NRXN1: variants seen among roughly 807,000 people sequenced by gnomAD.
The protein encoded by NRXN1 is neurexin 1.
A neutral mutation model predicts 150.9 loss-of-function variants in NRXN1; 39 were observed. That is an observed-to-expected ratio of 0.26 (90% CI 0.20 to 0.34). The LOEUF (loss-of-function observed/expected upper bound fraction) is 0.34. Among genes scored for constraint, NRXN1 ranks in the 10% least tolerant of loss-of-function variants. NRXN1 has a pLI of 1.00. For missense variants in NRXN1, 1,815 were observed against 1,949.9 expected (o/e 0.93, Z 1.30); for synonymous variants, 924 against 757.0 (o/e 1.22, Z -3.62).
chr2:49,979,323 G>A (rs1367764723), intron 21 of NRXN1, among the ~76,000 whole-genome samples: 1 of 151,932 alleles, frequency 6.6e-6, no homozygotes, highest in African/African-American at 2.4e-5. Context: ...TTAGAGGGAG[G>A]GGAAAAGTTG....
chr2:50,410,675 G>C (rs142660338), intron 17 of NRXN1, among the ~76,000 whole-genome samples: 1 of 151,114 alleles, frequency 6.6e-6, no homozygotes, highest in African/African-American at 2.4e-5. Flanking sequence ...AAATATTTCA[G>C]AAAAAAAAAG....
At chr2:50,927,242 T>C (rs1346536910) in intron 2 of NRXN1, among the ~76,000 whole-genome samples, 1 of 152,008 alleles carries the variant, frequency 6.6e-6, no homozygotes, top group East Asian at 1.9e-4. Context: ...TTGGATAAAG[T>C]TACTAGTGAA....
intron 17 of NRXN1, among the ~76,000 whole-genome samples, chr2:50,425,582 C>T (rs1205082743): frequency 6.6e-6 from 1 of 152,196 alleles, no homozygotes; most frequent in Non-Finnish European, 1.5e-5. Context: ...TAATTATGTA[C>T]ATCTTGATCT....
chr2:50,756,224 T>G (rs562846086), intron 5 of NRXN1, among the ~76,000 whole-genome samples: 21 of 151,698 alleles, frequency 1.4e-4, no homozygotes, highest in Non-Finnish European at 2.7e-4. Flanking sequence ...TCACCTGTCA[T>G]GAGACTGTCA....
intron 17 of NRXN1, among the ~76,000 whole-genome samples, chr2:50,425,536 G>A (rs2084408047): frequency 6.6e-6 from 1 of 152,086 alleles, no homozygotes; most frequent in South Asian, 2.1e-4. Flanking sequence ...GGAAGAGGTG[G>A]AACAGCATTT....
At chr2:49,923,815 A>T (rs1223104805) in intron 22 of NRXN1, among the ~76,000 whole-genome samples, 1 of 152,180 alleles carries the variant, frequency 6.6e-6, no homozygotes, top group Non-Finnish European at 1.5e-5. Flanking sequence ...TCTTAGTCTC[A>T]AAGTAGCAAT....
chr2:50,164,340 G>C (rs2059545729), intron 18 of NRXN1, among the ~76,000 whole-genome samples: 1 of 152,132 alleles, frequency 6.6e-6, no homozygotes, highest in Admixed American at 6.6e-5. Context: ...CTGTGATCAC[G>C]ATATTTTCTC....
intron 17 of NRXN1, among the ~76,000 whole-genome samples, chr2:50,410,195 A>C (rs1366674437): frequency 6.6e-6 from 1 of 152,024 alleles, no homozygotes; most frequent in Non-Finnish European, 1.5e-5. Context: ...GATAGAGTGA[A>C]GAAAAAAAAA....
At chr2:50,649,259 T>TACACACACACACAC (rs10634117) in intron 5 of NRXN1, among the ~76,000 whole-genome samples, 75 of 143,318 alleles carry the variant, frequency 5.2e-4, no homozygotes, top group African/African-American at 1.7e-3. Flanking sequence ...CATACACACA[T>TACACACACACACAC]ACACACACAC....
intron 5 of NRXN1, among the ~76,000 whole-genome samples, chr2:50,906,419 AC>A (rs1278181394): frequency 6.6e-6 from 1 of 152,054 alleles, no homozygotes; most frequent in Non-Finnish European, 1.5e-5. Flanking sequence ...TAATCAACCA[AC>A]AAACCCATAG....
At chr2:50,661,858 G>A (rs1687349031) in intron 5 of NRXN1, among the ~76,000 whole-genome samples, 1 of 151,980 alleles carries the variant, frequency 6.6e-6, no homozygotes, top group Admixed American at 6.6e-5. Flanking sequence ...TCTCTCCCCA[G>A]GCAGGCCTGT....
At chr2:50,857,631 C>T (rs2106009933) in intron 5 of NRXN1, among the ~76,000 whole-genome samples, 1 of 152,206 alleles carries the variant, frequency 6.6e-6, no homozygotes. Flanking sequence ...GAGAGTGCTT[C>T]ATCATGCCCC....
At chr2:50,162,122 C>A (rs2059400821) in intron 18 of NRXN1, among the ~76,000 whole-genome samples, 1 of 152,042 alleles carries the variant, frequency 6.6e-6, no homozygotes, top group African/African-American at 2.4e-5. Context: ...GTTAACTTAA[C>A]CAAAGTTATG....
chr2:50,816,728 G>A (rs1285403872), intron 5 of NRXN1, among the ~76,000 whole-genome samples: 3 of 152,078 alleles, frequency 2.0e-5, no homozygotes, highest in Non-Finnish European at 4.4e-5. Flanking sequence ...CCCTGATGCA[G>A]TTAATCACTT....
At chr2:49,982,841 A>G (rs1680201745) in intron 21 of NRXN1, among the ~76,000 whole-genome samples, 1 of 152,120 alleles carries the variant, frequency 6.6e-6, no homozygotes, top group African/African-American at 2.4e-5. Flanking sequence ...ACCATAAATG[A>G]GATTACTAGA....
At chr2:50,138,861 C>A (rs1248720809) in intron 18 of NRXN1, among the ~76,000 whole-genome samples, 1 of 152,180 alleles carries the variant, frequency 6.6e-6, no homozygotes, top group Non-Finnish European at 1.5e-5. Context: ...CAAAGTGATA[C>A]ATGTGTTTAA....
chr2:50,995,232 G>A (rs944487658), intron 2 of NRXN1, among the ~76,000 whole-genome samples: 1 of 151,912 alleles, frequency 6.6e-6, no homozygotes, highest in African/African-American at 2.4e-5. Flanking sequence ...TTTTCCAGAT[G>A]AGGACACTGA....
intron 18 of NRXN1, among the ~76,000 whole-genome samples, chr2:50,231,111 A>G (rs547339731): frequency 3.3e-5 from 5 of 152,270 alleles, no homozygotes; most frequent in Non-Finnish European, 2.9e-5. Flanking sequence ...AGCAATATAT[A>G]TACAACATAT....
intron 17 of NRXN1, among the ~76,000 whole-genome samples, chr2:50,316,639 T>A (rs1185577024): frequency 6.6e-6 from 1 of 152,054 alleles, no homozygotes; most frequent in African/African-American, 2.4e-5. Flanking sequence ...AGGTTATGAT[T>A]CTATTGGTAC....
Sources: allele counts gnomAD v4.1 joint callset (sites outside exome capture counted in the v4.1 genomes callset), GRCh38; gene constraint gnomAD v4.1.1; transcripts MANE v1.5; gene names NCBI Gene and HGNC (gene_info 2026-07-23, HGNC 2026-07-21).